LRRTM4: variants seen among roughly 807,000 people sequenced by gnomAD.
LRRTM4 encodes leucine-rich repeat transmembrane neuronal protein 4.
In LRRTM4, 25 loss-of-function variants were observed where a neutral mutation model predicts 47.6. The ratio of observed to expected loss-of-function variants is 0.53; its 90% CI spans 0.38 to 0.73. The LOEUF is 0.73. Ranked by LOEUF, LRRTM4 falls within the 30% of genes least tolerant of loss-of-function variation. The probability of loss-of-function intolerance (pLI) is 0.00; values close to 1 mark genes in which losing one functional copy is unlikely to be tolerated. For missense variants in LRRTM4, 638 were observed against 713.4 expected (o/e 0.89, Z 1.20); for synonymous variants, 311 against 269.5 (o/e 1.15, Z -1.51).
chr2:77,245,113 A>T (rs1256762535), intron 3 of LRRTM4, among the ~76,000 whole-genome samples: 5 of 152,200 alleles, frequency 3.3e-5, no homozygotes, highest in African/African-American at 4.8e-5. Context: ...TACATGACAA[A>T]TGCTACTGAG....
At chr2:76,936,230 C>T (rs1297589391) in intron 3 of LRRTM4, among the ~76,000 whole-genome samples, 1 of 152,060 alleles carries the variant, frequency 6.6e-6, no homozygotes, top group Non-Finnish European at 1.5e-5. Context: ...AAATATGGTG[C>T]ATATATACCA....
intron 3 of LRRTM4, among the ~76,000 whole-genome samples, chr2:77,369,646 T>A (rs556020194): frequency 8.6e-5 from 13 of 151,724 alleles, no homozygotes; most frequent in Non-Finnish European, 1.8e-4. Context: ...TACAGATATA[T>A]GTTCTCAAAA....
At chr2:76,995,261 G>A (rs1237473684) in intron 3 of LRRTM4, among the ~76,000 whole-genome samples, 1 of 151,982 alleles carries the variant, frequency 6.6e-6, no homozygotes, top group Non-Finnish European at 1.5e-5. Context: ...GCATATTCAA[G>A]AGCAATTATT....
chr2:77,078,369 TACACACACACCC>T (rs1471968026), intron 3 of LRRTM4, among the ~76,000 whole-genome samples: 207 of 123,116 alleles, frequency 1.7e-3, no homozygotes, highest in Non-Finnish European at 2.6e-3. Flanking sequence ...GTTTGTCTAT[TACACACACACCC>T]ACACACACAC....
chr2:77,073,157 A>G (rs1361154081), intron 3 of LRRTM4, among the ~76,000 whole-genome samples: 1 of 151,782 alleles, frequency 6.6e-6, no homozygotes, highest in Non-Finnish European at 1.5e-5. Flanking sequence ...ACACTATTAA[A>G]TATTTGCTGG....
chr2:77,063,955 A>T (rs1679874135), intron 3 of LRRTM4, among the ~76,000 whole-genome samples: 1 of 152,148 alleles, frequency 6.6e-6, no homozygotes, highest in African/African-American at 2.4e-5. Flanking sequence ...TATTTGGAAA[A>T]ATAGATTCAA....
intron 3 of LRRTM4, among the ~76,000 whole-genome samples, chr2:77,092,419 A>C (rs2103889850): frequency 6.7e-6 from 1 of 148,884 alleles, no homozygotes; most frequent in East Asian, 2.1e-4. Context: ...ATGCTATAGT[A>C]CAAGCCACTA....
intron 3 of LRRTM4, among the ~76,000 whole-genome samples, chr2:76,994,261 A>G (rs1359180523): frequency 1.3e-5 from 2 of 151,638 alleles, no homozygotes; most frequent in Non-Finnish European, 2.9e-5. Flanking sequence ...CCTTGAATCT[A>G]AAGCAGAAGT....
At chr2:76,945,024 G>A (rs756852988) in intron 3 of LRRTM4, among the ~76,000 whole-genome samples, 10 of 151,972 alleles carry the variant, frequency 6.6e-5, no homozygotes, top group Non-Finnish European at 1.5e-4. Flanking sequence ...CGTGGATTTG[G>A]GACCCGAATC....
intron 3 of LRRTM4, among the ~76,000 whole-genome samples, chr2:77,080,418 T>G (rs1455062602): frequency 6.6e-6 from 1 of 152,200 alleles, no homozygotes; most frequent in Non-Finnish European, 1.5e-5. Flanking sequence ...AGTTAACAAC[T>G]CTGAAATGCA....
At chr2:77,363,194 A>C (rs1322001546) in intron 3 of LRRTM4, among the ~76,000 whole-genome samples, 2 of 152,222 alleles carry the variant, frequency 1.3e-5, no homozygotes, top group African/African-American at 4.8e-5. Context: ...TAAAATTCAC[A>C]GTAAATTTTA....
chr2:77,021,954 A>T (rs1921623), intron 3 of LRRTM4, among the ~76,000 whole-genome samples: 151,181 of 152,302 alleles, frequency 0.99, 75,034 homozygotes, highest in Middle Eastern at 1. Context: ...AACTGAAAGT[A>T]TGTGCCCTTT....
rs547030988 is a variant in LRRTM4, at chr2:77,474,119, G to A, written c.1551+44199C>T. Among the ~76,000 whole-genome samples, 4 of 152,108 alleles carry A rather than the reference G, an allele frequency of 2.6e-5. No individual in the cohort carries two copies. The South Asian group carries it at 8.3e-4, about 32-fold the overall frequency. On this transcript the variant is annotated intron_variant, in intron 3 of 3. Coordinates refer to ENST00000409884, the MANE Select transcript of LRRTM4 (RefSeq NM_001134745.3). ...CAATCATGAGATTCAAAAAATTTAT[G>A]TGCTTTTCTTCTATTTTCGGAAAAA...
chr2:77,412,321 G>T (rs1674475022), intron 3 of LRRTM4, among the ~76,000 whole-genome samples: 1 of 152,182 alleles, frequency 6.6e-6, no homozygotes, highest in African/African-American at 2.4e-5. Flanking sequence ...ACTAGCAGAT[G>T]GTGGGATAAA....
intron 3 of LRRTM4, among the ~76,000 whole-genome samples, chr2:76,976,990 GAAA>G (rs1374209155): frequency 7.2e-6 from 1 of 139,606 alleles, no homozygotes; most frequent in Non-Finnish European, 1.5e-5. Context: ...AAATTAAACA[GAAA>G]AAAAGCATTA....
At chr2:77,376,951 G>A (rs1254568768) in intron 3 of LRRTM4, among the ~76,000 whole-genome samples, 2 of 151,812 alleles carry the variant, frequency 1.3e-5, no homozygotes, top group Non-Finnish European at 2.9e-5. Context: ...CCTTATGGGA[G>A]ATTTGTCTCT....
At position 76,795,259 on chromosome 2, in the gene LRRTM4, A is replaced by AT. The variant is rs1403782611; in HGVS notation, c.1552-46344dup. 3.3e-5 allele frequency among the ~76,000 whole-genome samples: 5 copies of AT among 152,330 alleles called. No individual in the cohort carries two copies. The East Asian group carries it at 5.8e-4, about 18-fold the overall frequency. On this transcript the variant is annotated intron_variant, in intron 3 of 3. Coordinates refer to ENST00000409884, the MANE Select transcript of LRRTM4 (RefSeq NM_001134745.3). ...TTTTGTACTTTAAAAATCATTTTTA[A>AT]TTGACAAATACAAATTTCATATACT...
chr2:76,900,591 T>C (rs1377170103), intron 3 of LRRTM4, among the ~76,000 whole-genome samples: 1 of 152,184 alleles, frequency 6.6e-6, no homozygotes, highest in Admixed American at 6.6e-5. Context: ...AATGAATAAC[T>C]GCCCTCTACC....
At chr2:77,127,925 A>C (rs1161257838) in intron 3 of LRRTM4, among the ~76,000 whole-genome samples, 1 of 152,130 alleles carries the variant, frequency 6.6e-6, no homozygotes, top group Non-Finnish European at 1.5e-5. Context: ...CGGGCGGATC[A>C]TGAGGTCAGG....
Sources: gnomAD v4.1 joint callset for allele counts (sites outside exome capture counted in the v4.1 genomes callset) on GRCh38, gnomAD v4.1.1 for gene constraint, MANE v1.5 for transcripts, NCBI Gene and HGNC (gene_info 2026-07-23, HGNC 2026-07-21) for gene names.